Variants in CARMIL1 observed in about 807,000 individuals in gnomAD.
CARMIL1 encodes the protein F-actin-uncapping protein LRRC16A.
CARMIL1 carries 90 observed loss-of-function variants against 177.1 expected under a neutral mutation model. The ratio of observed to expected loss-of-function variants is 0.51; its 90% CI spans 0.43 to 0.61. The LOEUF (loss-of-function observed/expected upper bound fraction) is 0.61, where lower values mean the gene tolerates loss of function less well. CARMIL1 is among the 20% of genes least tolerant of loss of function. The pLI, the probability that CARMIL1 is intolerant of heterozygous loss-of-function variation, is 0.00. For missense variants in CARMIL1, 1,380 were observed against 1,667.0 expected (o/e 0.83, Z 3.00); for synonymous variants, 577 against 606.2 (o/e 0.95, Z 0.71).
intron 20 of CARMIL1, among the ~76,000 whole-genome samples, chr6:25,512,598 T>C (rs1449197684): frequency 6.6e-6 from 1 of 152,236 alleles, no homozygotes; most frequent in Non-Finnish European, 1.5e-5. Flanking sequence ...TAAAAAATAA[T>C]CTCTTTACTT....
intron 2 of CARMIL1, among the ~76,000 whole-genome samples, chr6:25,419,003 A>G (rs1795609646): frequency 6.6e-6 from 1 of 152,200 alleles, no homozygotes; most frequent in African/African-American, 2.4e-5. Flanking sequence ...CATTGTTTCT[A>G]TTTGGAGTTG....
intron 26 of CARMIL1, 45 bp downstream of exon 26, chr6:25,540,123 A>G: frequency 6.5e-7 from 1 of 1,535,244 alleles, no homozygotes; most frequent in Non-Finnish European, 8.8e-7. Flanking sequence ...TTAATATTTA[A>G]CTACGCATGA....
At chr6:25,456,584 A>C (rs1799550830) in intron 8 of CARMIL1, among the ~76,000 whole-genome samples, 1 of 152,212 alleles carries the variant, frequency 6.6e-6, no homozygotes. Flanking sequence ...TAAATTTCTC[A>C]TGGGATTTCT....
chr6:25,563,347 G>T (rs927827016), intron 29 of CARMIL1: 27 of 985,158 alleles, frequency 2.7e-5, no homozygotes, highest in Middle Eastern at 1.0e-3. Flanking sequence ...TTTAATTTCT[G>T]AGTTAAACAA....
Position 25,491,735 on chromosome 6 carries a change from A to T in CARMIL1, c.1069A>T (p.Met357Leu), listed in dbSNP as rs1582134220. 6.3e-7 allele frequency: 1 copy of T among 1,581,208 alleles called. No individual in the cohort carries two copies. The highest frequency in any genetic ancestry group is 1.1e-5 in the South Asian group (1 of 87,470). ...TTATCTTTTATTTTTTTTCAAGCAC[A>T]TGTATAATTTTTTGGCCCAGCCAAA... ...NVLRGDDLSH[M>L]YNFLAQPNAI... The change falls in exon 14 of 37, where the codon ATG (methionine) becomes TTG (leucine). Residue 357 changes from methionine to leucine, a missense_variant. Coordinates refer to ENST00000329474, the MANE Select transcript of CARMIL1 (RefSeq NM_017640.6).
intron 2 of CARMIL1, among the ~76,000 whole-genome samples, chr6:25,306,178 A>G (rs187919972): frequency 3.2e-4 from 48 of 152,232 alleles, no homozygotes; most frequent in Admixed American, 2.7e-3. Flanking sequence ...ATATAAATCA[A>G]TTATATAATA....
intron 2 of CARMIL1, among the ~76,000 whole-genome samples, chr6:25,362,674 A>G (rs1389433836): frequency 1.3e-5 from 2 of 152,028 alleles, no homozygotes; most frequent in Non-Finnish European, 2.9e-5. Context: ...CGTCTCAAAA[A>G]CAAAACAAAA....
intron 2 of CARMIL1, among the ~76,000 whole-genome samples, chr6:25,332,776 C>CAT (rs66654153): frequency 0.2 from 18,957 of 95,436 alleles, 1,280 homozygotes; most frequent in Middle Eastern, 0.25. Context: ...CACACACGCG[C>CAT]ACACACACAC....
chr6:25,446,349 TATATC>T (rs1158084783), intron 5 of CARMIL1, among the ~76,000 whole-genome samples: 1 of 152,244 alleles, frequency 6.6e-6, no homozygotes, highest in Non-Finnish European at 1.5e-5. Context: ...TGATCTTAAC[TATATC>T]TTCTGGATAA....
At chr6:25,292,352 T>G (rs1328229187) in intron 2 of CARMIL1, among the ~76,000 whole-genome samples, 1 of 152,186 alleles carries the variant, frequency 6.6e-6, no homozygotes, top group Non-Finnish European at 1.5e-5. Context: ...AAACAATCTT[T>G]GGGAGTGAGT....
chr6:25,540,218 TC>T (rs1808756503), intron 26 of CARMIL1, 140 bp downstream of exon 26: 1 of 774,740 alleles, frequency 1.3e-6, no homozygotes, highest in African/African-American at 1.8e-5. Context: ...GAATACTGTG[TC>T]TTTTCCAGCT....
chr6:25,500,919 C>T (rs1804253335), intron 17 of CARMIL1, among the ~76,000 whole-genome samples: 1 of 151,880 alleles, frequency 6.6e-6, no homozygotes, highest in South Asian at 2.1e-4. Context: ...GCCACCACGC[C>T]CGGCTATTTT....
At chr6:25,618,417 T>G (rs1759464182) in intron 36 of CARMIL1, among the ~76,000 whole-genome samples, 1 of 152,132 alleles carries the variant, frequency 6.6e-6, no homozygotes, top group Non-Finnish European at 1.5e-5. Context: ...TGGCACAAAG[T>G]GTGTGGGTTT....
intron 2 of CARMIL1, among the ~76,000 whole-genome samples, chr6:25,297,449 CCT>C (rs753505872): frequency 6.6e-6 from 1 of 152,090 alleles, no homozygotes; most frequent in Non-Finnish European, 1.5e-5. Flanking sequence ...AGCACTTAAC[CCT>C]CTATCATTTT....
At chr6:25,289,258 A>G (rs1042278615) in intron 2 of CARMIL1, among the ~76,000 whole-genome samples, 8 of 152,090 alleles carry the variant, frequency 5.3e-5, no homozygotes, top group African/African-American at 1.9e-4. Flanking sequence ...TCTTTAGGGG[A>G]TGTCATTAGA....
intron 8 of CARMIL1, chr6:25,451,985 TGCCCC>T: frequency 9.5e-6 from 1 of 105,384 alleles, no homozygotes; most frequent in Admixed American, 1.2e-4. Flanking sequence ...ACTAGCATCT[TGCCCC>T]CCCCTCCCCC....
intron 5 of CARMIL1, among the ~76,000 whole-genome samples, chr6:25,445,536 C>CT (rs1191252796): frequency 0.065 from 8,827 of 136,552 alleles, 297 homozygotes; most frequent in Admixed American, 0.075. Flanking sequence ...AAATATATTT[C>CT]TTTTTTTTTT....
rs183526481 is a variant in CARMIL1 at position 25,328,822 on chromosome 6, A to T, written c.138+43913A>T. On this transcript the variant is annotated intron_variant, in intron 2 of 36. Coordinates refer to ENST00000329474, the MANE Select transcript of CARMIL1 (RefSeq NM_017640.6). ...ATGTAGTCATAATAATTAAAAATTTAAAAAAAATGCAATGAGAGGGGAAAA... is the reference window on the plus strand; with the variant it reads ...ATGTAGTCATAATAATTAAAAATTTTAAAAAAATGCAATGAGAGGGGAAAA... Among the ~76,000 whole-genome samples the T allele has an allele frequency of 2.5e-3, 363 of 142,400 alleles. 2 individuals are homozygous for T. The highest frequency in any genetic ancestry group is 3.6e-3 in the Admixed American group (53 of 14,542). 93.4% of individuals were successfully genotyped at this position (142,400 alleles called of 152,430 possible).
At chr6:25,458,859 A>G (rs1399156445) in intron 8 of CARMIL1, among the ~76,000 whole-genome samples, 3 of 152,216 alleles carry the variant, frequency 2.0e-5, no homozygotes, top group African/African-American at 7.2e-5. Flanking sequence ...TGAAGACTGT[A>G]TGGATAAATA....
Sources: allele counts gnomAD v4.1 joint callset (sites outside exome capture counted in the v4.1 genomes callset), GRCh38; gene constraint gnomAD v4.1.1; transcripts MANE v1.5; gene names NCBI Gene and HGNC (gene_info 2026-07-23, HGNC 2026-07-21).